The following IQSEC1 variants were observed in gnomAD, a reference collection of about 807,000 sequenced individuals.
The protein encoded by IQSEC1 is IQ motif and Sec7 domain ArfGEF 1, also known as IQ motif and SEC7 domain-containing protein 1.
Under a neutral mutation model 91.0 loss-of-function variants are expected in IQSEC1, and 31 were observed. The observed-to-expected ratio is 0.34, with a 90% CI of 0.26 to 0.46. The LOEUF is 0.46. Ranked by LOEUF, IQSEC1 falls within the 20% of genes least tolerant of loss-of-function variation. The probability of loss-of-function intolerance (pLI) is 1.00; values close to 1 mark genes in which losing one functional copy is unlikely to be tolerated. For missense variants in IQSEC1, 1,388 were observed against 1,575.6 expected (o/e 0.88, Z 2.02); for synonymous variants, 699 against 662.6 (o/e 1.05, Z -0.84).
intron 3 of IQSEC1, among the ~76,000 whole-genome samples, chr3:12,933,056 A>G (rs1224542962): frequency 1.3e-5 from 2 of 152,226 alleles, no homozygotes; most frequent in Non-Finnish European, 2.9e-5. Context: ...AGGAACGCTC[A>G]CTGCTTCGTT....
intron 1 of IQSEC1, among the ~76,000 whole-genome samples, chr3:12,943,157 T>TAGGA (rs1255968741): frequency 6.6e-6 from 1 of 152,186 alleles, no homozygotes; most frequent in Non-Finnish European, 1.5e-5. Context: ...ATGACCCAGG[T>TAGGA]AGGAAGTAGG....
chr3:13,015,726 A>G (rs1343183769), intron 1 of IQSEC1: 1 of 985,122 alleles, frequency 1.0e-6, no homozygotes, highest in Non-Finnish European at 1.2e-6. Flanking sequence ...AGGAAACCAC[A>G]CCCAGGGGAG....
At chr3:13,019,956 G>T (rs376346705) in intron 1 of IQSEC1, among the ~76,000 whole-genome samples, 109 of 152,326 alleles carry the variant, frequency 7.2e-4, no homozygotes, top group African/African-American at 2.5e-3. Context: ...GCTCTGTGAG[G>T]CGGTGCTGCT....
At chr3:12,941,464 A>G in intron 2 of IQSEC1, 107 bp downstream of exon 2, 3 of 1,174,210 alleles carry the variant, frequency 2.6e-6, no homozygotes, top group Non-Finnish European at 3.5e-6. Flanking sequence ...ATGCACCCCA[A>G]CTCAAGTCTA....
chr3:12,961,784 A>G (rs1700255203), intron 1 of IQSEC1, among the ~76,000 whole-genome samples: 1 of 152,206 alleles, frequency 6.6e-6, no homozygotes, highest in Non-Finnish European at 1.5e-5. Flanking sequence ...AAGCACTCAC[A>G]TGGATTCATT....
chr3:13,030,110 C>CT (rs1285950450), intron 1 of IQSEC1, among the ~76,000 whole-genome samples: 1 of 152,064 alleles, frequency 6.6e-6, no homozygotes, highest in South Asian at 2.1e-4. Flanking sequence ...TGTCTAAAAT[C>CT]TTTTTTTTAT....
At chr3:12,978,824 T>C (rs182852570) in intron 1 of IQSEC1, among the ~76,000 whole-genome samples, 172 of 152,308 alleles carry the variant, frequency 1.1e-3, no homozygotes, top group African/African-American at 3.9e-3. Context: ...GCTGGTGGAT[T>C]AGTCATTCAG....
chr3:12,981,793 C>G (rs1701476388), intron 1 of IQSEC1, among the ~76,000 whole-genome samples: 1 of 152,202 alleles, frequency 6.6e-6, no homozygotes, highest in Admixed American at 6.5e-5. Flanking sequence ...CCTGTCCCCT[C>G]TGCAGCAGCT....
At chr3:13,036,356 C>A (rs1290453471) in intron 1 of IQSEC1, among the ~76,000 whole-genome samples, 1 of 152,116 alleles carries the variant, frequency 6.6e-6, no homozygotes, top group Admixed American at 6.5e-5. Context: ...TAATAGTATC[C>A]CTTTCACAAG....
intron 1 of IQSEC1, among the ~76,000 whole-genome samples, chr3:13,182,775 G>A (rs1348258651): frequency 6.6e-6 from 1 of 152,202 alleles, no homozygotes; most frequent in Non-Finnish European, 1.5e-5. Flanking sequence ...CAAAATATGT[G>A]AGCTGCAGCT....
intron 1 of IQSEC1, among the ~76,000 whole-genome samples, chr3:13,280,068 A>C (rs1390513362): frequency 2.6e-5 from 4 of 152,184 alleles, no homozygotes; most frequent in African/African-American, 7.2e-5. Context: ...CTTAATTCTC[A>C]AAAAAGTATG....
Position 12,922,147 on chromosome 3 carries a change from T to C in IQSEC1, c.1826A>G (p.Lys609Arg), listed in dbSNP as rs748747836. 6.2e-6 allele frequency: 10 copies of C among 1,609,618 alleles called. No individual in the cohort carries two copies. Among genetic ancestry groups the C allele is most frequent in the Non-Finnish European group, 8.5e-6 (10 of 1,177,104 alleles). ...AHIRVQGEAQKVERLIEAFSQ... is the reference protein window; with the variant it reads ...AHIRVQGEAQRVERLIEAFSQ... The stretch of plus-strand genomic sequence containing the variant: ...GAACGCCTCTATGAGCCGCTCCACT[T>C]TCTGAGCCTCCCCTTGGACACGGAT... The change falls in exon 5 of 14, where the codon AAA becomes AGA. Residue 609 changes from lysine to arginine, a missense_variant. By Grantham distance (26) the Lys-to-Arg change is conservative (BLOSUM62 2). Coordinates refer to ENST00000613206, the MANE Select transcript of IQSEC1 (RefSeq NM_001134382.3). The surrounding 1 kb of genome is among the most constrained non-coding windows in gnomAD (Gnocchi z 5.1).
intron 1 of IQSEC1, among the ~76,000 whole-genome samples, chr3:13,277,367 C>G (rs972077141): frequency 3.3e-5 from 5 of 152,176 alleles, no homozygotes; most frequent in African/African-American, 1.2e-4. Context: ...AACCAAACGT[C>G]GGAAACAAGT....
rs1196695412 is a variant in IQSEC1, at chr3:12,994,465, C to A, written c.24-52600G>T. 6.6e-6 allele frequency among the ~76,000 whole-genome samples: 1 copy of A among 151,990 alleles called. No individual in the cohort carries two copies. Among genetic ancestry groups the A allele is most frequent in the African/African-American group, 2.4e-5 (1 of 41,370 alleles). On this transcript the variant is annotated intron_variant, in intron 1 of 13. Transcript: ENST00000613206. The surrounding 1 kb of genome is among the most constrained non-coding windows in gnomAD (Gnocchi z 4.5). Reference sequence around the variant, plus strand: ...CGCTGCAGCGGATGGGTCAGGAGAGCGGGGTACGCGGGGTCCAGGCGCGGA... The same window carrying A: ...CGCTGCAGCGGATGGGTCAGGAGAGAGGGGTACGCGGGGTCCAGGCGCGGA...
chr3:13,146,002 T>C (rs1706890042), intron 2 of IQSEC1, among the ~76,000 whole-genome samples: 1 of 152,138 alleles, frequency 6.6e-6, no homozygotes, highest in Non-Finnish European at 1.5e-5. Context: ...TTTATTTTTA[T>C]TTTTTCAAGA....
At chr3:13,114,501 A>AAAAAT (rs1011728426) in intron 2 of IQSEC1, among the ~76,000 whole-genome samples, 1 of 152,186 alleles carries the variant, frequency 6.6e-6, no homozygotes, top group African/African-American at 2.4e-5. Context: ...TTTAAAATAA[A>AAAAAT]AAAATATATG....
intron 1 of IQSEC1, among the ~76,000 whole-genome samples, chr3:12,976,218 G>C (rs1423052523): frequency 1.3e-5 from 2 of 152,194 alleles, no homozygotes; most frequent in African/African-American, 4.8e-5. Context: ...GTCTGCCCCT[G>C]GCCCTCTGGA....
intron 1 of IQSEC1, among the ~76,000 whole-genome samples, chr3:13,273,516 C>T (rs1695622922): frequency 6.6e-6 from 1 of 152,240 alleles, no homozygotes; most frequent in African/African-American, 2.4e-5. Flanking sequence ...TTTGGTTCCA[C>T]TCCTCTCTCT....
At chr3:13,143,839 A>C (rs1335965767) in intron 2 of IQSEC1, among the ~76,000 whole-genome samples, 1 of 152,222 alleles carries the variant, frequency 6.6e-6, no homozygotes, top group African/African-American at 2.4e-5. Context: ...CTGAACACCC[A>C]GATGCAGCCT....
Sources: allele counts gnomAD v4.1 joint callset (sites outside exome capture counted in the v4.1 genomes callset), GRCh38; gene constraint gnomAD v4.1.1; non-coding constraint Gnocchi (gnomAD v3.1); transcripts MANE v1.5; gene names NCBI Gene and HGNC (gene_info 2026-07-23, HGNC 2026-07-21).